Variants in ANXA10 observed in about 807,000 individuals in gnomAD.
ANXA10 encodes the protein annexin A10.
ANXA10 carries 49 observed loss-of-function variants against 53.5 expected under a neutral mutation model. The ratio of observed to expected loss-of-function variants is 0.92; its 90% confidence interval spans 0.73 to 1.16. ANXA10 has a LOEUF of 1.16. ANXA10 is among the 50% of genes most tolerant of loss of function. ANXA10 has a pLI of 0.00. For synonymous variants in ANXA10, 131 were observed against 128.9 expected (o/e 1.02, Z -0.11); for missense variants, 393 against 394.4 (o/e 1.00, Z 0.03).
rs1730660667 is a variant in ANXA10 at position 168,102,798 on chromosome 4, G to C, written c.18+10080G>C. 2.0e-5 allele frequency among the ~76,000 whole-genome samples: 3 copies of C among 152,010 alleles called. No homozygotes were observed. The South Asian group carries it at 6.2e-4, about 31-fold the overall frequency. ...AAACACTTAGAAGCAAGATTGCTAG[G>C]TCATATGGTAACAGTACGTTTAGCT... On this transcript the variant is annotated intron_variant, in intron 1 of 11. Transcript: ENST00000359299.
At chr4:168,115,562 C>T (rs766668610) in intron 1 of ANXA10, among the ~76,000 whole-genome samples, 2 of 150,560 alleles carry the variant, frequency 1.3e-5, no homozygotes, top group Non-Finnish European at 1.5e-5. Context: ...TTTGAACTGA[C>T]GTAAAAATAA....
chr4:168,171,575 T>C (rs1305712182), intron 6 of ANXA10, among the ~76,000 whole-genome samples: 13 of 152,198 alleles, frequency 8.5e-5, no homozygotes. Flanking sequence ...CCTTAGGTTC[T>C]TGTGAAATGG....
chr4:168,173,883 T>G (rs1732066975), intron 6 of ANXA10, among the ~76,000 whole-genome samples: 1 of 152,142 alleles, frequency 6.6e-6, no homozygotes, highest in African/African-American at 2.4e-5. Context: ...GTGCCTTTTT[T>G]TTAGCCTTTT....
chr4:168,111,384 C>G (rs542512799), intron 1 of ANXA10, among the ~76,000 whole-genome samples: 1 of 152,072 alleles, frequency 6.6e-6, no homozygotes, highest in African/African-American at 2.4e-5. Context: ...GCCTTTTAAC[C>G]ACTTTATGTG....
chr4:168,112,244 C>T (rs1188094382), intron 1 of ANXA10, among the ~76,000 whole-genome samples: 2 of 151,892 alleles, frequency 1.3e-5, no homozygotes, highest in African/African-American at 2.4e-5. Flanking sequence ...TGCAGTGAGC[C>T]GAGATCGTAC....
At chr4:168,133,626 A>G (rs767655751) in intron 2 of ANXA10, among the ~76,000 whole-genome samples, 1 of 152,104 alleles carries the variant, frequency 6.6e-6, no homozygotes, top group Non-Finnish European at 1.5e-5. Context: ...CAATGCTAAC[A>G]AGACTGGCTT....
At chr4:168,183,009 G>GA (rs747151480) in intron 10 of ANXA10, among the ~76,000 whole-genome samples, 2,578 of 92,686 alleles carry the variant, frequency 0.028, 98 homozygotes, top group East Asian at 0.21. Flanking sequence ...CACCGTCTCG[G>GA]AAAAAAAAAA....
At chr4:168,156,314 A>G (rs1731676712) in intron 3 of ANXA10, among the ~76,000 whole-genome samples, 1 of 112,050 alleles carries the variant, frequency 8.9e-6, no homozygotes, top group African/African-American at 3.4e-5. Flanking sequence ...ATAATAGTAT[A>G]TATAATATAT....
chr4:168,092,908 G>C (rs576078679), intron 1 of ANXA10, among the ~76,000 whole-genome samples, 190 bp downstream of exon 1: 120 of 151,878 alleles, frequency 7.9e-4, no homozygotes, highest in Non-Finnish European at 1.4e-3. Context: ...TTTTATTTCT[G>C]GGATTATTAA....
At chr4:168,124,576 T>G (rs148849728) in intron 1 of ANXA10, among the ~76,000 whole-genome samples, 1 of 152,344 alleles carries the variant, frequency 6.6e-6, no homozygotes, top group East Asian at 1.9e-4. Flanking sequence ...AACCAAAGTC[T>G]GACTTTTTCT....
intron 1 of ANXA10, among the ~76,000 whole-genome samples, chr4:168,120,825 T>C (rs987042008): frequency 2.0e-5 from 3 of 152,126 alleles, no homozygotes; most frequent in Non-Finnish European, 4.4e-5. Context: ...AGTGGATTTG[T>C]TAAAAATCAG....
intron 3 of ANXA10, among the ~76,000 whole-genome samples, chr4:168,149,035 T>C (rs1731451741): frequency 6.6e-6 from 1 of 152,158 alleles, no homozygotes; most frequent in African/African-American, 2.4e-5. Context: ...TATTATTTTG[T>C]TTGTTTTGAT....
At chr4:168,123,839 A>G (rs530719514) in intron 1 of ANXA10, among the ~76,000 whole-genome samples, 2 of 152,316 alleles carry the variant, frequency 1.3e-5, no homozygotes, top group African/African-American at 4.8e-5. Context: ...AATGTTAATG[A>G]AAAATTGTGA....
chr4:168,144,076 A>G (rs1731368884), intron 3 of ANXA10, among the ~76,000 whole-genome samples: 1 of 152,216 alleles, frequency 6.6e-6, no homozygotes, highest in South Asian at 2.1e-4. Context: ...GGGCAAGCCT[A>G]TCATCTAACA....
At chr4:168,156,691 G>A (rs1464799052) in intron 3 of ANXA10, among the ~76,000 whole-genome samples, 1 of 151,422 alleles carries the variant, frequency 6.6e-6, no homozygotes, top group East Asian at 1.9e-4. Flanking sequence ...TTTTAGTAGA[G>A]ACGGGGTTTC....
intron 9 of ANXA10, among the ~76,000 whole-genome samples, chr4:168,180,007 G>T (rs574336): frequency 0.3 from 45,942 of 151,972 alleles, 7,495 homozygotes; most frequent in African/African-American, 0.42. Flanking sequence ...CATCGAAGGC[G>T]TAGTCAAGTA....
In ANXA10 at chr4:168,187,627, C is replaced by A; in HGVS notation, c.*193C>A. The stretch of plus-strand genomic sequence containing the variant: ...ATATGATACTGAATTTGCCTACTAT[C>A]CTGAATTTGCCTACTATCTAATCAG... On this transcript the variant is annotated 3_prime_UTR_variant, in exon 12 of 12. Transcript: ENST00000359299. The A allele has an allele frequency of 5.2e-6, 2 of 383,494 alleles. No homozygotes were observed. Among genetic ancestry groups the A allele is most frequent in the East Asian group, 4.0e-5 (1 of 24,966 alleles). The allele number at this position is 383,494 out of a possible 1,614,324, so 23.8% of individuals were successfully genotyped here.
At chr4:168,147,375 A>G (rs187531067) in intron 3 of ANXA10, among the ~76,000 whole-genome samples, 4 of 152,308 alleles carry the variant, frequency 2.6e-5, no homozygotes, top group Admixed American at 6.5e-5. Context: ...GGAAGGCAGC[A>G]AGTTTAAAAC....
At chr4:168,168,918 G>T (rs1020184383) in intron 6 of ANXA10, among the ~76,000 whole-genome samples, 2 of 152,150 alleles carry the variant, frequency 1.3e-5, no homozygotes, top group Non-Finnish European at 2.9e-5. Flanking sequence ...TTTTGGTTTG[G>T]TTTAGTTTAA....
Sources: allele counts gnomAD v4.1 joint callset (sites outside exome capture counted in the v4.1 genomes callset), GRCh38; gene constraint gnomAD v4.1.1; transcripts MANE v1.5; gene names NCBI Gene and HGNC (gene_info 2026-07-23, HGNC 2026-07-21).